ENTPD6: variants seen among roughly 807,000 people sequenced by gnomAD.
The protein encoded by ENTPD6 is CD39 antigen-like 2.
A neutral mutation model predicts 61.5 loss-of-function variants in ENTPD6; 46 were observed. The observed-to-expected ratio is 0.75, with a 90% confidence interval of 0.59 to 0.96. The LOEUF (loss-of-function observed/expected upper bound fraction) is 0.96, where lower values mean the gene tolerates loss of function less well. Ranked by LOEUF, ENTPD6 falls within the 40% of genes least tolerant of loss-of-function variation. The pLI, the probability that ENTPD6 is intolerant of heterozygous loss-of-function variation, is 0.00. For missense variants in ENTPD6, 612 were observed against 629.0 expected (o/e 0.97, Z 0.29); for synonymous variants, 252 against 255.5 (o/e 0.99, Z 0.13).
chr20:25,218,689 C>A, intron 10 of ENTPD6, 75 bp downstream of exon 10: 1 of 1,425,018 alleles, frequency 7.0e-7, no homozygotes, highest in Non-Finnish European at 9.4e-7. Context: ...AGGAGCCCCT[C>A]GGGAGGGCAC....
chr20:25,209,203 G>A (rs1293597920), intron 3 of ENTPD6, among the ~76,000 whole-genome samples: 4 of 151,296 alleles, frequency 2.6e-5, no homozygotes, highest in East Asian at 1.9e-4. Flanking sequence ...TCCGCCCCCC[G>A]GGTTCATGCC....
intron 7 of ENTPD6, 123 bp downstream of exon 7, chr20:25,215,834 T>A: frequency 9.7e-7 from 1 of 1,026,806 alleles, no homozygotes; most frequent in South Asian, 1.3e-5. Context: ...GGTTTGGCAG[T>A]GTTGCTGACT....
At chr20:25,203,592 T>C (rs1656396153) in intron 1 of ENTPD6, among the ~76,000 whole-genome samples, 1 of 152,256 alleles carries the variant, frequency 6.6e-6, no homozygotes, top group Non-Finnish European at 1.5e-5. Flanking sequence ...AATTTCTGTT[T>C]GATTCCTTTT....
chr20:25,218,560 C>T lies in ENTPD6; in HGVS notation c.889C>T (p.Leu297Phe). The T allele has an allele frequency of 6.2e-7, 1 of 1,607,040 alleles. No homozygotes were observed. The highest frequency in any genetic ancestry group is 8.5e-7 in the Non-Finnish European group (1 of 1,178,442). The change falls in exon 10 of 15, where the codon CTC becomes TTC. Residue 297 changes from leucine (L) to phenylalanine (F), a missense_variant. Transcript: ENST00000376652. ...GTGTCATTCCCACAGCTACCTCGGG[C>T]TCGGGCTGATGTCGGCACGCCTGGC... The part of the protein sequence containing the change: ...YKLYSYSYLG[L>F]GLMSARLAIL...
intron 4 of ENTPD6, among the ~76,000 whole-genome samples, chr20:25,211,479 T>G (rs538525631): frequency 2.8e-4 from 43 of 152,338 alleles, no homozygotes; most frequent in Admixed American, 1.2e-3. Flanking sequence ...CTTAGCATCC[T>G]TTGAGGCTGG....
Position 25,207,278 on chromosome 20 carries a change from A to G in ENTPD6, c.257A>G (p.Gln86Arg). The G allele has an allele frequency of 6.2e-7, 1 of 1,613,238 alleles. No individual in the cohort carries two copies. The highest frequency in any genetic ancestry group is 8.5e-7 in the Non-Finnish European group (1 of 1,179,466). The change falls in exon 3 of 15, where the codon CAG becomes CGG. Residue 86 changes from glutamine (Q) to arginine (R), a missense_variant. Coordinates refer to ENST00000376652, the MANE Select transcript of ENTPD6 (RefSeq NM_001247.5). ...RAAPGARWGQQAHSPLGTAAD... is the reference protein window; with the variant it reads ...RAAPGARWGQRAHSPLGTAAD... ...GCCCCGGGGGCCCGGTGGGGTCAGC[A>G]GGCCCACAGCCCCCTGGGGACAGCT...
intron 10 of ENTPD6, among the ~76,000 whole-genome samples, chr20:25,220,406 G>A (rs897437839): frequency 1.6e-4 from 24 of 151,890 alleles, no homozygotes; most frequent in Non-Finnish European, 3.2e-4. Flanking sequence ...GGGTTCTGGG[G>A]GTCTGTGCAG....
chr20:25,213,531 G>A, intron 5 of ENTPD6, 125 bp downstream of exon 5: 5 of 980,766 alleles, frequency 5.1e-6, no homozygotes, highest in Non-Finnish European at 7.4e-6. Context: ...AGAAAAGTTT[G>A]CAGCATCACT....
intron 3 of ENTPD6, 114 bp downstream of exon 3, chr20:25,207,511 A>T (rs2091607247): frequency 1.1e-6 from 1 of 948,574 alleles, no homozygotes; most frequent in Non-Finnish European, 1.5e-6. Context: ...TTTCCCAGAG[A>T]TGCTGACGCT....
intron 8 of ENTPD6, 54 bp downstream of exon 8, chr20:25,216,790 T>C: frequency 1.4e-6 from 1 of 737,914 alleles, no homozygotes; most frequent in South Asian, 1.5e-5. Context: ...CACACCGCCA[T>C]GGGGGTGCAG....
chr20:25,197,106 G>C (rs1044795928), intron 1 of ENTPD6: 8 of 985,406 alleles, frequency 8.1e-6, no homozygotes, highest in Non-Finnish European at 9.6e-6. Flanking sequence ...TTGATACAGC[G>C]TGCATGGCAG....
Position 25,197,042 on chromosome 20 carries a change from A to T in ENTPD6, c.-16+1175A>T. 9.2e-6 allele frequency: 9 copies of T among 981,328 alleles called. No homozygotes were observed. The South Asian group carries it at 2.4e-4, about 26-fold the overall frequency. 60.8% of individuals were successfully genotyped at this position (981,328 alleles called of 1,614,324 possible). On this transcript the variant is annotated intron_variant, in intron 1 of 14. Transcript: ENST00000376652. ...ACCGGTTTTTGCCAAGGAGAGAAAAACCTACTGAAACCCACCAGGAGGATG... is the reference window on the plus strand; with the variant it reads ...ACCGGTTTTTGCCAAGGAGAGAAAATCCTACTGAAACCCACCAGGAGGATG...
chr20:25,200,608 T>C (rs1438414421), intron 1 of ENTPD6, among the ~76,000 whole-genome samples: 2 of 152,202 alleles, frequency 1.3e-5, no homozygotes, highest in African/African-American at 2.4e-5. Flanking sequence ...CTTATAATCA[T>C]TTTTATTCTG....
At chr20:25,224,300 A>C (rs2092731749) in intron 13 of ENTPD6, 143 bp downstream of exon 13, 1 of 624,860 alleles carries the variant, frequency 1.6e-6, no homozygotes, top group Non-Finnish European at 2.6e-6. Flanking sequence ...CTGAGAAAGG[A>C]CCACCGTCCT....
chr20:25,196,781 A>G (rs1424466027), intron 1 of ENTPD6, among the ~76,000 whole-genome samples: 1 of 152,164 alleles, frequency 6.6e-6, no homozygotes, highest in Non-Finnish European at 1.5e-5. Context: ...GGCGGCCGGT[A>G]GTCATTTTTG....
Position 25,225,318 on chromosome 20 carries a change from G to T in ENTPD6, c.1356+1G>T. On this transcript the variant is annotated splice_donor_variant, in intron 14 of 14. Transcript: ENST00000376652. LOFTEE classifies it high-confidence loss of function. ...CTTTCCCAGGAGCAAAGTGCTGAAG[G>T]TAAGGGTGCCCTCAGGTCACGCCCC... 1 of 1,612,710 alleles carries T rather than the reference G, an allele frequency of 6.2e-7. No individual in the cohort carries two copies. The highest frequency in any genetic ancestry group is 8.5e-7 in the Non-Finnish European group (1 of 1,179,876).
At chr20:25,223,048 C>T in intron 12 of ENTPD6, 70 bp downstream of exon 12, 7 of 1,535,818 alleles carry the variant, frequency 4.6e-6, no homozygotes, top group Admixed American at 1.8e-5. Context: ...GGCGTGTGCT[C>T]CCCGAGGCAG....
At position 25,226,330 on chromosome 20, in the gene ENTPD6, G is replaced by A. The variant is rs2092794085; in HGVS notation, c.*733G>A. Reference sequence around the variant, plus strand: ...TAAACTATTTGTGGCTGTGCTGCTTGAGTGACGTCTCTGTCGTGTGGGTGC... The same window carrying A: ...TAAACTATTTGTGGCTGTGCTGCTTAAGTGACGTCTCTGTCGTGTGGGTGC... On this transcript the variant is annotated 3_prime_UTR_variant, in exon 15 of 15. Transcript: ENST00000376652. The A allele has an allele frequency of 6.5e-6, 1 of 152,768 alleles. No individual in the cohort carries two copies. The highest frequency in any genetic ancestry group is 2.4e-5 in the African/African-American group (1 of 41,474). 9.5% of individuals were successfully genotyped at this position (152,768 alleles called of 1,614,324 possible).
chr20:25,217,690 T>C (rs1401721304), intron 9 of ENTPD6, 109 bp downstream of exon 9: 1 of 944,232 alleles, frequency 1.1e-6, no homozygotes, highest in Non-Finnish European at 1.7e-6. Flanking sequence ...GGAATCCCTG[T>C]GCTGGGAATC....
Sources: allele counts gnomAD v4.1 joint callset (sites outside exome capture counted in the v4.1 genomes callset), GRCh38; gene constraint gnomAD v4.1.1; transcripts MANE v1.5; gene names NCBI Gene and HGNC (gene_info 2026-07-23, HGNC 2026-07-21).